Variants in EML4 observed in about 807,000 individuals in gnomAD.
The protein encoded by EML4 is echinoderm microtubule-associated protein-like 4.
Under a neutral mutation model 129.0 loss-of-function variants are expected in EML4, and 72 were observed. The ratio of observed to expected loss-of-function variants is 0.56; its 90% CI spans 0.46 to 0.68. EML4 has a LOEUF of 0.68. Ranked by LOEUF, EML4 falls within the 30% of genes least tolerant of loss-of-function variation. The pLI is 0.00. For synonymous variants in EML4, 532 were observed against 405.0 expected (o/e 1.31, Z -3.77); for missense variants, 1,363 against 1,190.6 (o/e 1.14, Z -2.13).
intron 17 of EML4, among the ~76,000 whole-genome samples, chr2:42,312,420 A>T (rs888762566): frequency 1.3e-5 from 2 of 152,204 alleles, no homozygotes; most frequent in Non-Finnish European, 2.9e-5. Context: ...CTTAAGTCTG[A>T]TAAGAAACAT....
rs1670123897 is a variant in EML4 at position 42,331,929 on chromosome 2, A to G, written c.*1722A>G. The G allele has an allele frequency of 4.7e-6, 1 of 213,402 alleles. No individual in the cohort carries two copies. The highest frequency in any genetic ancestry group is 9.5e-6 in the Non-Finnish European group (1 of 105,314). 13.2% of individuals were successfully genotyped at this position (213,402 alleles called of 1,614,324 possible). On this transcript the variant is annotated 3_prime_UTR_variant, in exon 23 of 23. Coordinates refer to ENST00000318522, the MANE Select transcript of EML4 (RefSeq NM_019063.5). ...TCTGTATATCTTTCCTTTTGTTTAC[A>G]ACTGTTAAAAAACCTCAAAATAGTT...
chr2:42,232,684 T>C (rs1003725684), intron 1 of EML4, among the ~76,000 whole-genome samples: 3 of 152,210 alleles, frequency 2.0e-5, no homozygotes, highest in Non-Finnish European at 4.4e-5. Flanking sequence ...AACACTCTTT[T>C]GATGGCTTCT....
chr2:42,319,688 A>G (rs1330301469), intron 19 of EML4: 2 of 152,032 alleles, frequency 1.3e-5, no homozygotes, highest in African/African-American at 4.8e-5. Flanking sequence ...AACTTCTCAG[A>G]GTTTTAATTT....
intron 13 of EML4, among the ~76,000 whole-genome samples, chr2:42,296,998 G>A (rs1425424781): frequency 2.0e-5 from 3 of 152,040 alleles, no homozygotes; most frequent in African/African-American, 7.3e-5. Flanking sequence ...TCTAAGCTTG[G>A]CAGTTGAATT....
At chr2:42,317,117 G>C (rs1027411792) in intron 18 of EML4, among the ~76,000 whole-genome samples, 2 of 152,240 alleles carry the variant, frequency 1.3e-5, no homozygotes, top group South Asian at 2.1e-4. Flanking sequence ...CTAAGCCCCT[G>C]TCCACTCAGC....
At chr2:42,264,974 G>A (rs1665973324) in intron 6 of EML4, 1 of 1,545,496 alleles carries the variant, frequency 6.5e-7, no homozygotes, top group African/African-American at 1.4e-5. Flanking sequence ...TACGCAGTTG[G>A]TTGCCTTCTA....
At chr2:42,244,417 G>A (rs1675252260) in intron 1 of EML4, among the ~76,000 whole-genome samples, 1 of 152,088 alleles carries the variant, frequency 6.6e-6, no homozygotes, top group South Asian at 2.1e-4. Flanking sequence ...GTTTCTATAT[G>A]TTTGGATTCT....
intron 1 of EML4, among the ~76,000 whole-genome samples, chr2:42,238,125 A>G (rs566641931): frequency 1.3e-5 from 2 of 152,332 alleles, no homozygotes; most frequent in Admixed American, 1.3e-4. Context: ...AGTGGAACAT[A>G]AATGAATTTT....
intron 2 of EML4, among the ~76,000 whole-genome samples, chr2:42,253,906 T>C (rs921776985): frequency 9.9e-5 from 15 of 152,106 alleles, no homozygotes; most frequent in African/African-American, 3.4e-4. Context: ...AAGAGAAAAA[T>C]CAATTAATTG....
chr2:42,213,547 G>T (rs1180856882), intron 1 of EML4, among the ~76,000 whole-genome samples: 1 of 152,180 alleles, frequency 6.6e-6, no homozygotes, highest in Non-Finnish European at 1.5e-5. Flanking sequence ...CTTAATGATT[G>T]AATCTTTCCA....
intron 1 of EML4, among the ~76,000 whole-genome samples, chr2:42,182,519 C>T (rs1389638535): frequency 6.6e-6 from 1 of 152,154 alleles, no homozygotes; most frequent in Non-Finnish European, 1.5e-5. Flanking sequence ...GACCTCCTTA[C>T]ACACTTGCCT....
chr2:42,320,324 AT>A (rs755037468), intron 19 of EML4, among the ~76,000 whole-genome samples: 128 of 141,956 alleles, frequency 9.0e-4, no homozygotes, highest in South Asian at 1.5e-3. Flanking sequence ...CCCTGTCTGT[AT>A]TTTAAAAAAA....
intron 19 of EML4, among the ~76,000 whole-genome samples, chr2:42,323,963 GAAAA>G (rs919203944): frequency 6.2e-5 from 9 of 144,860 alleles, no homozygotes; most frequent in African/African-American, 2.3e-4. Flanking sequence ...AAAAAGAAAA[GAAAA>G]AGAAAAAGTC....
chr2:42,202,441 G>A (rs938380483), intron 1 of EML4, among the ~76,000 whole-genome samples: 4 of 152,108 alleles, frequency 2.6e-5, no homozygotes, highest in Non-Finnish European at 5.9e-5. Flanking sequence ...TCTCTAGAGG[G>A]ACAGAAGTAA....
At chr2:42,300,278 C>T (rs1668209090) in intron 13 of EML4, among the ~76,000 whole-genome samples, 1 of 152,170 alleles carries the variant, frequency 6.6e-6, no homozygotes, top group South Asian at 2.1e-4. Context: ...AAAAGCTTTA[C>T]TCTTGCTCTG....
rs1667082825 is a variant in EML4 at position 42,282,807 on chromosome 2, C to T, written c.792-16C>T. The T allele has an allele frequency of 2.5e-6, 4 of 1,605,622 alleles. No individual in the cohort carries two copies. Among genetic ancestry groups the T allele is most frequent in the Non-Finnish European group, 3.4e-6 (4 of 1,176,164 alleles). On this transcript the variant is annotated splice_polypyrimidine_tract_variant and intron_variant, in intron 7 of 22. Transcript: ENST00000318522. ...AAACTGTGTTTATTTAAAACCTTGA[C>T]TCTTTTTCTGTTAAGATATGGTTAT... is the stretch of plus-strand genomic sequence containing the variant.
At chr2:42,201,256 A>G (rs1672214906) in intron 1 of EML4, among the ~76,000 whole-genome samples, 1 of 152,196 alleles carries the variant, frequency 6.6e-6, no homozygotes, top group Non-Finnish European at 1.5e-5. Context: ...AATCTGTTTG[A>G]TGTACTTTAT....
intron 1 of EML4, among the ~76,000 whole-genome samples, chr2:42,212,851 A>G (rs1241164905): frequency 6.6e-6 from 1 of 152,218 alleles, no homozygotes; most frequent in East Asian, 1.9e-4. Context: ...AGGAATTGGC[A>G]GTATTGTGTA....
rs1572620067 is a variant in EML4, at chr2:42,245,825, C to A, written c.208+138C>A. 6.5e-6 allele frequency: 5 copies of A among 773,490 alleles called. No individual in the cohort carries two copies. The East Asian group carries it at 1.2e-4, about 19-fold the overall frequency. The allele number at this position is 773,490 out of a possible 1,614,324, so 47.9% of individuals were successfully genotyped here. A position where few individuals can be genotyped will look rare whatever the true frequency, so the allele number is the denominator to read the frequency against. ...TGTTTTCCATTTCGTTTTTTTAATT[C>A]CCAAAAAGTTCTGAAAGTTTATTCT... On this transcript the variant is annotated intron_variant, in intron 2 of 22. Coordinates refer to ENST00000318522, the MANE Select transcript of EML4 (RefSeq NM_019063.5).
Sources: gnomAD v4.1 joint callset for allele counts (sites outside exome capture counted in the v4.1 genomes callset) on GRCh38, gnomAD v4.1.1 for gene constraint, MANE v1.5 for transcripts, NCBI Gene and HGNC (gene_info 2026-07-23, HGNC 2026-07-21) for gene names.